GRIN2B: variants seen among roughly 807,000 people sequenced by gnomAD.
The protein encoded by GRIN2B is glutamate ionotropic receptor NMDA type subunit 2B.
A neutral mutation model predicts 114.5 loss-of-function variants in GRIN2B; 5 were observed. The ratio of observed to expected loss-of-function variants is 0.04; its 90% CI spans 0.02 to 0.09. The LOEUF is 0.09. GRIN2B is among the 10% of genes least tolerant of loss of function. GRIN2B has a pLI of 1.00. For missense variants in GRIN2B, 1,108 were observed against 1,943.5 expected (o/e 0.57, Z 8.08); for synonymous variants, 787 against 745.1 (o/e 1.06, Z -0.92).
At chr12:13,822,832 C>T (rs1323840998) in intron 3 of GRIN2B, among the ~76,000 whole-genome samples, 2 of 152,094 alleles carry the variant, frequency 1.3e-5, no homozygotes, top group Non-Finnish European at 2.9e-5. Flanking sequence ...ATCTTTCTTA[C>T]ATAAATGACA....
At chr12:13,650,254 C>T (rs542408962) in intron 5 of GRIN2B, among the ~76,000 whole-genome samples, 2 of 152,136 alleles carry the variant, frequency 1.3e-5, no homozygotes, top group South Asian at 4.2e-4. Context: ...TTCCACATGC[C>T]TTCTCCACAT....
intron 2 of GRIN2B, among the ~76,000 whole-genome samples, chr12:13,884,043 T>A (rs1403819729): frequency 6.6e-6 from 1 of 152,200 alleles, no homozygotes; most frequent in Non-Finnish European, 1.5e-5. Flanking sequence ...TGTTTCAGCA[T>A]CATTTTCTGG....
At chr12:13,653,109 C>T (rs533788684) in intron 5 of GRIN2B, among the ~76,000 whole-genome samples, 10 of 151,812 alleles carry the variant, frequency 6.6e-5, no homozygotes, top group South Asian at 2.1e-4. Context: ...ATGACAAAGG[C>T]GATAAAAGAG....
At chr12:13,718,025 G>T (rs866513318) in intron 4 of GRIN2B, among the ~76,000 whole-genome samples, 4 of 151,966 alleles carry the variant, frequency 2.6e-5, no homozygotes, top group Middle Eastern at 6.8e-3. Flanking sequence ...TTGTCTCTTG[G>T]ATCTATAATG....
intron 2 of GRIN2B, among the ~76,000 whole-genome samples, chr12:13,870,296 C>A (rs116887973): frequency 5.4e-4 from 82 of 152,230 alleles, no homozygotes; most frequent in Admixed American, 8.5e-4. Context: ...GAAATCATGC[C>A]ATGAATTCAG....
intron 3 of GRIN2B, among the ~76,000 whole-genome samples, chr12:13,785,630 A>G (rs1194457900): frequency 6.6e-6 from 1 of 152,198 alleles, no homozygotes; most frequent in Admixed American, 6.5e-5. Context: ...TCTCCACTGT[A>G]TCTTCATGTA....
In GRIN2B at chr12:13,826,639, T is replaced by A. The variant is rs371521566; in HGVS notation, c.411+39159A>T. 3.8e-4 allele frequency among the ~76,000 whole-genome samples: 58 copies of A among 152,258 alleles called. No homozygotes were observed. In the East Asian group the frequency reaches 8.9e-3, roughly 23 times the overall value. On this transcript the variant is annotated intron_variant, in intron 3 of 13. Coordinates refer to ENST00000609686, the MANE Select transcript of GRIN2B (RefSeq NM_000834.5). ...TTTATAATGTGCCTTATTGTTGTTT[T>A]CTTTTTTTTAGTTTGGGATTTACTG... is the stretch of plus-strand genomic sequence containing the variant.
intron 2 of GRIN2B, among the ~76,000 whole-genome samples, chr12:13,944,734 G>A (rs1300217443): frequency 6.6e-6 from 1 of 152,078 alleles, no homozygotes; most frequent in East Asian, 1.9e-4. Context: ...ACTGACTTGA[G>A]TCCAAAAAAG....
intron 5 of GRIN2B, among the ~76,000 whole-genome samples, chr12:13,667,669 T>C (rs1949990626): frequency 6.6e-6 from 1 of 152,178 alleles, no homozygotes; most frequent in Non-Finnish European, 1.5e-5. Flanking sequence ...AAAGGGAACA[T>C]GTCCTCAATA....
At chr12:13,726,457 C>G (rs904006950) in intron 4 of GRIN2B, among the ~76,000 whole-genome samples, 1 of 151,474 alleles carries the variant, frequency 6.6e-6, no homozygotes, top group Non-Finnish European at 1.5e-5. Flanking sequence ...ATCACTTGAA[C>G]TCAGGAGGTG....
chr12:13,826,795 G>A (rs1455307431), intron 3 of GRIN2B, among the ~76,000 whole-genome samples: 1 of 151,796 alleles, frequency 6.6e-6, no homozygotes, highest in Non-Finnish European at 1.5e-5. Flanking sequence ...AATTTACTAT[G>A]TCTGATGTTC....
chr12:13,620,428 G>A (rs1028487134), intron 5 of GRIN2B, among the ~76,000 whole-genome samples: 7 of 152,118 alleles, frequency 4.6e-5, no homozygotes, highest in Admixed American at 2.6e-4. Context: ...CATGGGCACC[G>A]TGAAGTTGGC....
At chr12:13,717,729 T>C (rs899770540) in intron 4 of GRIN2B, among the ~76,000 whole-genome samples, 2 of 151,974 alleles carry the variant, frequency 1.3e-5, no homozygotes, top group Non-Finnish European at 2.9e-5. Flanking sequence ...TTCACTGTCA[T>C]AAAGCAAAAG....
intron 5 of GRIN2B, among the ~76,000 whole-genome samples, chr12:13,659,107 G>A (rs1949895776): frequency 6.6e-6 from 1 of 152,066 alleles, no homozygotes; most frequent in Non-Finnish European, 1.5e-5. Flanking sequence ...CATTCTTAGT[G>A]GTATCTTCAC....
At chr12:13,682,964 T>A (rs932810308) in intron 4 of GRIN2B, among the ~76,000 whole-genome samples, 1 of 152,134 alleles carries the variant, frequency 6.6e-6, no homozygotes, top group Non-Finnish European at 1.5e-5. Flanking sequence ...GTAGAGAACA[T>A]TAACCTCCCT....
At chr12:13,770,889 C>A (rs1289709995) in intron 3 of GRIN2B, among the ~76,000 whole-genome samples, 2 of 152,148 alleles carry the variant, frequency 1.3e-5, no homozygotes. Flanking sequence ...CTCCAGAAAC[C>A]CCTACAAAGT....
chr12:13,786,719 C>T (rs192364827), intron 3 of GRIN2B, among the ~76,000 whole-genome samples: 7 of 152,230 alleles, frequency 4.6e-5, no homozygotes, highest in Middle Eastern at 3.4e-3. Context: ...AATTGAAACC[C>T]AGGTGAACCA....
intron 3 of GRIN2B, among the ~76,000 whole-genome samples, chr12:13,793,334 T>A (rs1864352786): frequency 6.6e-6 from 1 of 151,772 alleles, no homozygotes; most frequent in Admixed American, 6.6e-5. Flanking sequence ...AGCTTGAGAA[T>A]CTCTTGAACC....
At chr12:13,587,958 C>T (rs1334160944) in intron 10 of GRIN2B, among the ~76,000 whole-genome samples, 9 of 152,074 alleles carry the variant, frequency 5.9e-5, no homozygotes, top group East Asian at 3.9e-4. Flanking sequence ...GCAAAAACCG[C>T]GATTACTTTT....
Sources: gnomAD v4.1 joint callset for allele counts (sites outside exome capture counted in the v4.1 genomes callset) on GRCh38, gnomAD v4.1.1 for gene constraint, MANE v1.5 for transcripts, NCBI Gene and HGNC (gene_info 2026-07-23, HGNC 2026-07-21) for gene names.